ADAMTSL1: variants seen among roughly 807,000 people sequenced by gnomAD.
ADAMTSL1 encodes ADAMTS like 1.
ADAMTSL1 carries 126 observed loss-of-function variants against 201.8 expected under a neutral mutation model. The ratio of observed to expected loss-of-function variants is 0.62; its 90% CI spans 0.54 to 0.72. ADAMTSL1 has a LOEUF of 0.72. Ranked by LOEUF, ADAMTSL1 falls within the 30% of genes least tolerant of loss-of-function variation. ADAMTSL1 has a pLI of 0.00. For synonymous variants in ADAMTSL1, 1,121 were observed against 903.4 expected (o/e 1.24, Z -4.32); for missense variants, 2,679 against 2,277.8 (o/e 1.18, Z -3.59).
intron 23 of ADAMTSL1, among the ~76,000 whole-genome samples, chr9:18,879,174 T>G (rs1207618689): frequency 2.6e-5 from 4 of 151,804 alleles, no homozygotes; most frequent in African/African-American, 9.7e-5. Flanking sequence ...AGAGGAGGGG[T>G]GAGAATGAAT....
intron 1 of ADAMTSL1, among the ~76,000 whole-genome samples, chr9:17,968,766 T>A (rs374878936): frequency 6.6e-6 from 1 of 152,126 alleles, no homozygotes; most frequent in South Asian, 2.1e-4. Flanking sequence ...ATTTTGAAGA[T>A]CAGTTATTTT....
intron 2 of ADAMTSL1, among the ~76,000 whole-genome samples, chr9:18,291,472 C>G (rs1033157311): frequency 6.6e-6 from 1 of 152,076 alleles, no homozygotes; most frequent in African/African-American, 2.4e-5. Flanking sequence ...GCAAATGTGG[C>G]TCTTGTGCAC....
chr9:18,678,364 T>C (rs911942745), intron 10 of ADAMTSL1, among the ~76,000 whole-genome samples: 4 of 152,164 alleles, frequency 2.6e-5, no homozygotes, highest in African/African-American at 9.6e-5. Flanking sequence ...TTTGTTACGC[T>C]TTCTTTAAAG....
chr9:18,170,859 T>C (rs755898830), intron 2 of ADAMTSL1, among the ~76,000 whole-genome samples: 18 of 152,110 alleles, frequency 1.2e-4, no homozygotes, highest in Non-Finnish European at 2.1e-4. Flanking sequence ...TTCTCTCTAC[T>C]GTTGTCATCA....
intron 2 of ADAMTSL1, among the ~76,000 whole-genome samples, chr9:18,249,617 A>G (rs912701848): frequency 6.6e-6 from 1 of 152,222 alleles, no homozygotes; most frequent in African/African-American, 2.4e-5. Context: ...TTCATGCTTA[A>G]TTAGAAGATT....
chr9:18,495,556 C>G (rs1822493249), intron 1 of ADAMTSL1, among the ~76,000 whole-genome samples: 1 of 152,180 alleles, frequency 6.6e-6, no homozygotes, highest in Non-Finnish European at 1.5e-5. Flanking sequence ...AATCAACCTA[C>G]TCCCAAAACT....
intron 1 of ADAMTSL1, among the ~76,000 whole-genome samples, chr9:17,954,754 G>A (rs1054231085): frequency 1.2e-4 from 18 of 152,114 alleles, no homozygotes; most frequent in Non-Finnish European, 2.9e-5. Flanking sequence ...ACAACCTTAA[G>A]TTCTAGAAAG....
At chr9:18,478,040 T>A (rs912826092) in intron 1 of ADAMTSL1, among the ~76,000 whole-genome samples, 1 of 152,198 alleles carries the variant, frequency 6.6e-6, no homozygotes, top group African/African-American at 2.4e-5. Flanking sequence ...TGCATTTGTA[T>A]GTTTTAATAC....
intron 13 of ADAMTSL1, among the ~76,000 whole-genome samples, chr9:18,694,704 ATGG>A (rs1564157380): frequency 6.6e-6 from 1 of 152,132 alleles, no homozygotes; most frequent in Non-Finnish European, 1.5e-5. Flanking sequence ...TTCTAGGTTC[ATGG>A]TGCAAGCTGT....
intron 19 of ADAMTSL1, among the ~76,000 whole-genome samples, chr9:18,779,599 C>G (rs1821266348): frequency 6.6e-6 from 1 of 152,192 alleles, no homozygotes; most frequent in African/African-American, 2.4e-5. Flanking sequence ...TTAACCTGCC[C>G]CTCTGTCCAC....
chr9:18,407,112 C>A (rs1283617882), intron 2 of ADAMTSL1, among the ~76,000 whole-genome samples: 1 of 152,170 alleles, frequency 6.6e-6, no homozygotes, highest in East Asian at 1.9e-4. Flanking sequence ...AGCCCATATT[C>A]AAGCAGTTAA....
At chr9:18,688,581 T>C (rs1290218679) in intron 13 of ADAMTSL1, among the ~76,000 whole-genome samples, 1 of 140,212 alleles carries the variant, frequency 7.1e-6, no homozygotes, top group Admixed American at 7.5e-5. Flanking sequence ...GGCTGGAGGG[T>C]TGCTTGAGCC....
chr9:18,889,766 T>C lies in ADAMTSL1; in HGVS notation c.4643+18T>C. The C allele has an allele frequency of 6.9e-7, 1 of 1,453,628 alleles. No homozygotes were observed. The allele number at this position is 1,453,628 out of a possible 1,614,324, so 90.0% of individuals were successfully genotyped here. A position where few individuals can be genotyped will look rare whatever the true frequency, so the allele number is the denominator to read the frequency against. ...CCTTCTCGGTGAGTGCAGCGGACAC[T>C]GGCTCAGACCTCCCCACCCTAGGAG... is the stretch of plus-strand genomic sequence containing the variant. On this transcript the variant is annotated intron_variant, in intron 25 of 28. Coordinates refer to ENST00000380548, the MANE Select transcript of ADAMTSL1 (RefSeq NM_001040272.6).
At chr9:18,054,240 C>T (rs909074386) in intron 1 of ADAMTSL1, among the ~76,000 whole-genome samples, 7 of 152,060 alleles carry the variant, frequency 4.6e-5, no homozygotes, top group Admixed American at 6.6e-5. Flanking sequence ...CATGTAAAAG[C>T]CCAAAGAATA....
At chr9:18,760,523 T>A (rs1820015889) in intron 16 of ADAMTSL1, among the ~76,000 whole-genome samples, 1 of 152,212 alleles carries the variant, frequency 6.6e-6, no homozygotes, top group Non-Finnish European at 1.5e-5. Context: ...CCTTTCTCCA[T>A]GGCACACCTA....
At chr9:18,496,463 T>C (rs1822539867) in intron 1 of ADAMTSL1, among the ~76,000 whole-genome samples, 1 of 152,224 alleles carries the variant, frequency 6.6e-6, no homozygotes, top group Non-Finnish European at 1.5e-5. Flanking sequence ...CCCATGGAAC[T>C]TAATTCAGAA....
chr9:18,658,673 C>T (rs1828870569), intron 8 of ADAMTSL1, among the ~76,000 whole-genome samples: 1 of 152,138 alleles, frequency 6.6e-6, no homozygotes, highest in Non-Finnish European at 1.5e-5. Context: ...CTAGAAAAGG[C>T]TTTTGTGTTA....
chr9:18,610,766 C>G (rs934973320), intron 4 of ADAMTSL1, among the ~76,000 whole-genome samples: 6 of 152,080 alleles, frequency 3.9e-5, no homozygotes, highest in Admixed American at 3.3e-4. Flanking sequence ...CCCTCTTCAC[C>G]TTTCCTTTTC....
At chr9:18,024,724 C>T (rs371189052) in intron 1 of ADAMTSL1, among the ~76,000 whole-genome samples, 70 of 152,228 alleles carry the variant, frequency 4.6e-4, no homozygotes, top group Non-Finnish European at 7.2e-4. Flanking sequence ...CTGCAATGAA[C>T]GTACGAGTAC....
Sources: gnomAD v4.1 joint callset for allele counts (sites outside exome capture counted in the v4.1 genomes callset) on GRCh38, gnomAD v4.1.1 for gene constraint, MANE v1.5 for transcripts, NCBI Gene and HGNC (gene_info 2026-07-23, HGNC 2026-07-21) for gene names.